DACH2: variants seen among roughly 807,000 people sequenced by gnomAD.
DACH2 encodes the protein dachshund family transcription factor 2, also known as dachshund homolog 2.
DACH2 carries 17 observed loss-of-function variants against 35.8 expected under a neutral mutation model. That is an observed-to-expected ratio of 0.48 (90% CI 0.33 to 0.71). The LOEUF is 0.71. Ranked by LOEUF, DACH2 falls within the 30% of genes least tolerant of loss-of-function variation. The pLI, the probability that DACH2 is intolerant of heterozygous loss-of-function variation, is 0.02. For synonymous variants in DACH2, 195 were observed against 177.3 expected, an observed-to-expected ratio of 1.10 and a Z score of -0.79; for missense variants, 469 against 472.7, an observed-to-expected ratio of 0.99 and a Z score of 0.07.
At chrX:86,529,708 G>A (rs1044546331) in intron 3 of DACH2, among the ~76,000 whole-genome samples, 28 of 109,182 alleles carry the variant, frequency 2.6e-4, no homozygotes, top group Non-Finnish European at 4.4e-4. Flanking sequence ...TCCTGACCTC[G>A]TGATCCACCT....
intron 3 of DACH2, among the ~76,000 whole-genome samples, chrX:86,524,486 A>G (rs2038603278): frequency 8.9e-6 from 1 of 112,280 alleles, no homozygotes; most frequent in South Asian, 3.7e-4. Context: ...CATTGGCATA[A>G]TAGGAGCCAG....
chrX:86,164,240 A>G (rs2030865007), intron 1 of DACH2, among the ~76,000 whole-genome samples: 1 of 111,382 alleles, frequency 9.0e-6, no homozygotes, highest in African/African-American at 3.3e-5. Flanking sequence ...CTTCTTTTGA[A>G]AAGTGTCTGT....
chrX:86,396,456 C>A (rs2036295127), intron 2 of DACH2, among the ~76,000 whole-genome samples: 1 of 96,896 alleles, frequency 1.0e-5, no homozygotes, highest in African/African-American at 3.9e-5. Flanking sequence ...GACATGAAGT[C>A]CTTGCCCATG....
intron 1 of DACH2, among the ~76,000 whole-genome samples, chrX:86,258,166 C>T (rs758931690): frequency 1.1e-3 from 122 of 111,778 alleles, no homozygotes; most frequent in African/African-American, 3.7e-3. Context: ...AATAAAGAAT[C>T]GAGTATTGAT....
At chrX:86,554,005 G>C (rs1339631647) in intron 3 of DACH2, among the ~76,000 whole-genome samples, 2 of 110,885 alleles carry the variant, frequency 1.8e-5, no homozygotes, top group Non-Finnish European at 3.8e-5. Context: ...CAAGTTTCTT[G>C]TGTGTGTGTG....
chrX:86,418,939 C>G lies in DACH2; in HGVS notation c.527+42077C>G, dbSNP rs775854699. On this transcript the variant is annotated intron_variant, in intron 2 of 11. Coordinates refer to ENST00000373125, the MANE Select transcript of DACH2 (RefSeq NM_053281.3). ...AGAGATTTCTTCTGCCAGATACCCTCAAGTTCAAAGTTCCACAAGTCTCTA... is the reference window on the plus strand; with the variant it reads ...AGAGATTTCTTCTGCCAGATACCCTGAAGTTCAAAGTTCCACAAGTCTCTA... Among the ~76,000 whole-genome samples, 37 of 112,027 alleles carry G rather than the reference C, an allele frequency of 3.3e-4. No individual in the cohort carries two copies. In the South Asian group the frequency reaches 9.4e-3, roughly 29 times the overall value.
chrX:86,257,559 C>T (rs183439164), intron 1 of DACH2, among the ~76,000 whole-genome samples: 131 of 111,843 alleles, frequency 1.2e-3, no homozygotes, highest in African/African-American at 4.1e-3. Flanking sequence ...AGGCCCATGC[C>T]ACCATGCTCG....
At chrX:86,456,270 C>T (rs1002011449) in intron 2 of DACH2, among the ~76,000 whole-genome samples, 32 of 112,480 alleles carry the variant, frequency 2.8e-4, no homozygotes, top group African/African-American at 9.4e-4. Flanking sequence ...TGCTTCTAAT[C>T]AGCCATCTTG....
At position 86,197,090 on chromosome X, in the gene DACH2, G is replaced by A. The variant is rs181013577; in HGVS notation, c.488+47982G>A. Reference sequence around the variant, plus strand: ...AGCTGAAAACCGACAAACCAGAAGAGATTGGTTGCCAATATTCAACATTCT... The same window carrying A: ...AGCTGAAAACCGACAAACCAGAAGAAATTGGTTGCCAATATTCAACATTCT... On this transcript the variant is annotated intron_variant, in intron 1 of 11. Coordinates refer to ENST00000373125, the MANE Select transcript of DACH2 (RefSeq NM_053281.3). Among the ~76,000 whole-genome samples, 23 of 112,041 alleles carry A rather than the reference G, an allele frequency of 2.1e-4. No individual in the cohort carries two copies. In the East Asian group the frequency reaches 4.8e-3, roughly 23 times the overall value.
intron 2 of DACH2, among the ~76,000 whole-genome samples, chrX:86,457,018 A>G (rs2037487738): frequency 9.0e-6 from 1 of 111,263 alleles, no homozygotes; most frequent in South Asian, 3.7e-4. Flanking sequence ...CCTCTATCAA[A>G]ATTTTTTCTT....
chrX:86,303,798 T>C (rs2034622779), intron 1 of DACH2, among the ~76,000 whole-genome samples: 1 of 110,703 alleles, frequency 9.0e-6, no homozygotes, highest in Non-Finnish European at 1.9e-5. Flanking sequence ...ATTTCATCTA[T>C]TAAAAATAAT....
rs1396597857 is a variant in DACH2, at chrX:86,477,476, TA to T, written c.528-36802del. Among the ~76,000 whole-genome samples, 5 of 107,559 alleles carry T rather than the reference TA, an allele frequency of 4.6e-5. No homozygotes were observed. The East Asian group carries it at 1.2e-3, about 25-fold the overall frequency. The allele number at this position is 107,559 out of a possible 115,157, so 93.4% of individuals were successfully genotyped here. A position where few individuals can be genotyped will look rare whatever the true frequency, so the allele number is the denominator to read the frequency against. On this transcript the variant is annotated intron_variant, in intron 2 of 11. Transcript: ENST00000373125. ...AAATCGATTTAGTCTGATATATTTA[TA>T]GTGACACCTGCTCTTTTTTGTTTTT...
chrX:86,156,791 T>C (rs989135965), intron 1 of DACH2, among the ~76,000 whole-genome samples: 1 of 111,628 alleles, frequency 9.0e-6, no homozygotes, highest in Non-Finnish European at 1.9e-5. Flanking sequence ...AGTAAATGCA[T>C]GTGTATTCAA....
intron 3 of DACH2, among the ~76,000 whole-genome samples, chrX:86,628,765 A>G (rs374659250): frequency 2.8e-4 from 31 of 111,836 alleles, no homozygotes; most frequent in East Asian, 2.5e-3. Flanking sequence ...AATTGATTGC[A>G]CTGTTGATTA....
chrX:86,454,554 A>G (rs1487415401), intron 2 of DACH2, among the ~76,000 whole-genome samples: 1 of 111,754 alleles, frequency 8.9e-6, no homozygotes, highest in Non-Finnish European at 1.9e-5. Flanking sequence ...TCTTTCCTCC[A>G]TCTCTTTTGC....
intron 1 of DACH2, among the ~76,000 whole-genome samples, chrX:86,210,328 G>A (rs750678715): frequency 3.4e-4 from 38 of 111,531 alleles, no homozygotes; most frequent in Non-Finnish European, 6.6e-4. Flanking sequence ...TCACAAAAGC[G>A]ATTTTGTATT....
At chrX:86,442,070 G>T (rs1311337426) in intron 2 of DACH2, among the ~76,000 whole-genome samples, 1 of 109,622 alleles carries the variant, frequency 9.1e-6, no homozygotes. Flanking sequence ...AATTTGCTAT[G>T]TTGCACAGGC....
chrX:86,611,895 C>T (rs749295623), intron 3 of DACH2, among the ~76,000 whole-genome samples: 1 of 110,127 alleles, frequency 9.1e-6, no homozygotes, highest in South Asian at 4.0e-4. Context: ...TGAATTCTCA[C>T]CTTATTTTTG....
intron 1 of DACH2, among the ~76,000 whole-genome samples, chrX:86,217,935 G>A (rs914625589): frequency 9.0e-6 from 1 of 111,434 alleles, no homozygotes; most frequent in South Asian, 3.8e-4. Flanking sequence ...GGGGTCTGAC[G>A]CTTATAAAAG....
Sources: gnomAD v4.1 joint callset for allele counts (sites outside exome capture counted in the v4.1 genomes callset) on GRCh38, gnomAD v4.1.1 for gene constraint, MANE v1.5 for transcripts, NCBI Gene and HGNC (gene_info 2026-07-23, HGNC 2026-07-21) for gene names.